EPB41L4A: variants seen among roughly 807,000 people sequenced by gnomAD.
The protein encoded by EPB41L4A is band 4.1-like protein 4A.
Under a neutral mutation model 108.6 loss-of-function variants are expected in EPB41L4A, and 100 were observed. The observed-to-expected ratio is 0.92, with a 90% CI of 0.78 to 1.09. The LOEUF is 1.09. EPB41L4A is among the 50% of genes least tolerant of loss of function. The probability of loss-of-function intolerance (pLI) is 0.00; values close to 1 mark genes in which losing one functional copy is unlikely to be tolerated. For missense variants in EPB41L4A, 1,030 were observed against 842.7 expected (o/e 1.22, Z -2.75); for synonymous variants, 319 against 289.0 (o/e 1.10, Z -1.05).
At position 112,234,787 on chromosome 5, in the gene EPB41L4A, T is replaced by G. The variant is rs754036726; in HGVS notation, c.966-32A>C. 11 of 1,594,794 alleles carry G rather than the reference T, an allele frequency of 6.9e-6. No homozygotes were observed. In the East Asian group the frequency reaches 2.2e-4, roughly 33 times the overall value. ...AGTGCAACATTTTGATTAGCAAAGGTAAAACCACACAGCCACAAAATTAAA... is the reference window on the plus strand; with the variant it reads ...AGTGCAACATTTTGATTAGCAAAGGGAAAACCACACAGCCACAAAATTAAA... On this transcript the variant is annotated intron_variant, in intron 11 of 22. Transcript: ENST00000261486.
rs114391729 is a variant in EPB41L4A, at chr5:112,254,840, C to T, written c.795+4389G>A. ...AACTCCTGAAACCCTTGCTTTGTGC[C>T]CTCCGGAATTCATGACCTCTCATCA... On this transcript the variant is annotated intron_variant, in intron 9 of 22. Coordinates refer to ENST00000261486, the MANE Select transcript of EPB41L4A (RefSeq NM_022140.5). 4.2e-3 allele frequency among the ~76,000 whole-genome samples: 639 copies of T among 152,066 alleles called. 4 individuals carry two copies. The highest frequency in any genetic ancestry group is 4.5e-3 in the Non-Finnish European group (305 of 67,986).
chr5:112,169,332 A>G (rs1318164395), intron 20 of EPB41L4A, among the ~76,000 whole-genome samples: 3 of 152,166 alleles, frequency 2.0e-5, no homozygotes, highest in African/African-American at 7.2e-5. Context: ...ATACATATAT[A>G]TATGTATGTA....
intron 1 of EPB41L4A, among the ~76,000 whole-genome samples, chr5:112,391,975 A>G (rs1477271142): frequency 6.6e-6 from 1 of 152,202 alleles, no homozygotes; most frequent in African/African-American, 2.4e-5. Flanking sequence ...CAGCCAAACT[A>G]AACTTCATAA....
chr5:112,295,089 A>G (rs564271490), intron 2 of EPB41L4A, among the ~76,000 whole-genome samples: 1 of 152,354 alleles, frequency 6.6e-6, no homozygotes, highest in African/African-American at 2.4e-5. Context: ...ATAGATGACC[A>G]CAAGTCCTGT....
chr5:112,268,129 C>T (rs1561526493), intron 4 of EPB41L4A, among the ~76,000 whole-genome samples: 1 of 152,230 alleles, frequency 6.6e-6, no homozygotes, highest in South Asian at 2.1e-4. Flanking sequence ...TGCCTGTAAT[C>T]CCAGCACTGT....
intron 1 of EPB41L4A, among the ~76,000 whole-genome samples, chr5:112,366,373 G>T (rs1031137616): frequency 6.6e-6 from 1 of 152,044 alleles, no homozygotes; most frequent in African/African-American, 2.4e-5. Context: ...AGCAACTGAG[G>T]AGAGTTAATC....
intron 2 of EPB41L4A, among the ~76,000 whole-genome samples, chr5:112,306,421 G>A (rs1012404353): frequency 1.3e-5 from 2 of 151,962 alleles, no homozygotes; most frequent in Non-Finnish European, 2.9e-5. Flanking sequence ...AAATCCTCCT[G>A]TGAAACAGAA....
At chr5:112,398,670 T>C (rs1301064550) in intron 1 of EPB41L4A, among the ~76,000 whole-genome samples, 2 of 152,166 alleles carry the variant, frequency 1.3e-5, no homozygotes, top group Non-Finnish European at 2.9e-5. Context: ...ATTACAGGCT[T>C]CTGAACCACC....
chr5:112,357,462 C>A (rs1400422055), intron 1 of EPB41L4A, among the ~76,000 whole-genome samples: 1 of 152,218 alleles, frequency 6.6e-6, no homozygotes, highest in African/African-American at 2.4e-5. Context: ...AACACCTACT[C>A]CTAGCATACA....
At chr5:112,342,168 G>T (rs536721642) in intron 1 of EPB41L4A, among the ~76,000 whole-genome samples, 2 of 152,204 alleles carry the variant, frequency 1.3e-5, no homozygotes, top group South Asian at 4.2e-4. Flanking sequence ...TTTTATAAAA[G>T]ACAAGATACT....
intron 16 of EPB41L4A, among the ~76,000 whole-genome samples, chr5:112,195,392 T>C (rs114264850): frequency 4.0e-5 from 6 of 151,530 alleles, no homozygotes; most frequent in African/African-American, 1.5e-4. Flanking sequence ...AATAGAGTTG[T>C]TGCTGCTTTA....
intron 1 of EPB41L4A, among the ~76,000 whole-genome samples, chr5:112,398,221 T>C (rs1330842410): frequency 6.6e-6 from 1 of 152,226 alleles, no homozygotes; most frequent in African/African-American, 2.4e-5. Flanking sequence ...AAAAAATCTT[T>C]TTCCAATGTC....
intron 1 of EPB41L4A, among the ~76,000 whole-genome samples, chr5:112,393,814 T>A: frequency 6.6e-6 from 1 of 152,168 alleles, no homozygotes; most frequent in Admixed American, 6.5e-5. Flanking sequence ...CCAATATCCC[T>A]GATGAACATC....
intron 1 of EPB41L4A, among the ~76,000 whole-genome samples, chr5:112,308,752 T>C (rs945457197): frequency 2.0e-5 from 3 of 152,130 alleles, no homozygotes; most frequent in East Asian, 3.9e-4. Context: ...GTGAAATTAC[T>C]CATCTGAAGG....
At chr5:112,330,672 C>A (rs1374088517) in intron 1 of EPB41L4A, among the ~76,000 whole-genome samples, 1 of 151,870 alleles carries the variant, frequency 6.6e-6, no homozygotes, top group Admixed American at 6.6e-5. Context: ...GAACCCAGGC[C>A]AGCTGGCTGT....
In EPB41L4A at chr5:112,165,000, G is replaced by C; in HGVS notation, c.2051C>G (p.Thr684Arg). The change falls in exon 23 of 23, where the codon ACA becomes AGA. Residue 684 changes from threonine to arginine, a missense_variant. Coordinates refer to ENST00000261486, the MANE Select transcript of EPB41L4A (RefSeq NM_022140.5). ...IKTIQASRLK[T>R]ET ...GACCCTTCATCAGGATCAAGTCTCT[G>C]TCTTGAGGCGGGAAGCTTGTATAGT... is the stretch of plus-strand genomic sequence containing the variant. The C allele has an allele frequency of 1.2e-6, 2 of 1,613,584 alleles. No homozygotes were observed. The highest frequency in any genetic ancestry group is 1.7e-6 in the Non-Finnish European group (2 of 1,179,894).
At chr5:112,329,960 T>C (rs1190690287) in intron 1 of EPB41L4A, among the ~76,000 whole-genome samples, 1 of 152,182 alleles carries the variant, frequency 6.6e-6, no homozygotes, top group African/African-American at 2.4e-5. Flanking sequence ...TGAATCACTT[T>C]CAAACCGGAT....
chr5:112,207,718 A>G (rs895643256), intron 13 of EPB41L4A, among the ~76,000 whole-genome samples: 4 of 152,228 alleles, frequency 2.6e-5, no homozygotes, highest in East Asian at 1.9e-4. Context: ...TAAAATCACA[A>G]TAAGACACCA....
At chr5:112,307,579 A>G (rs1561557654) in intron 1 of EPB41L4A, 89 bp from the exon 2 acceptor site, 2 of 786,118 alleles carry the variant, frequency 2.5e-6, no homozygotes, top group Non-Finnish European at 4.2e-6. Context: ...TATTAGTTTC[A>G]CTCACAATAG....
Sources: allele counts gnomAD v4.1 joint callset (sites outside exome capture counted in the v4.1 genomes callset), GRCh38; gene constraint gnomAD v4.1.1; transcripts MANE v1.5; gene names NCBI Gene and HGNC (gene_info 2026-07-23, HGNC 2026-07-21).